FERMT1: variants seen among roughly 807,000 people sequenced by gnomAD.
FERMT1 encodes the protein fermitin family homolog 1.
FERMT1 carries 60 observed loss-of-function variants against 85.3 expected under a neutral mutation model. The observed-to-expected ratio is 0.70, with a 90% CI of 0.57 to 0.87. The LOEUF (loss-of-function observed/expected upper bound fraction) is 0.87. Among genes scored for constraint, FERMT1 ranks in the 40% least tolerant of loss-of-function variants. The pLI, the probability that FERMT1 is intolerant of heterozygous loss-of-function variation, is 0.00. For missense variants in FERMT1, 701 were observed against 818.9 expected (o/e 0.86, Z 1.76); for synonymous variants, 275 against 301.1 (o/e 0.91, Z 0.90).
chr20:6,091,739 A>G (rs1982374912), intron 9 of FERMT1, among the ~76,000 whole-genome samples: 1 of 152,148 alleles, frequency 6.6e-6, no homozygotes, highest in Non-Finnish European at 1.5e-5. Context: ...AGAGATCTCA[A>G]GTTCCTCCTC....
rs557734553 is a variant in FERMT1 at position 6,111,067 on chromosome 20, G to C, written c.533-556C>G. 5.9e-5 allele frequency among the ~76,000 whole-genome samples: 9 copies of C among 152,246 alleles called. No homozygotes were observed. The South Asian group carries it at 1.9e-3, about 32-fold the overall frequency. On this transcript the variant is annotated intron_variant, in intron 4 of 14. Transcript: ENST00000217289. ...CTCTCCTGTCTGAGCCTCCTGAATA[G>C]CTGGAATTACAGGCATGAGCCACCA...
intron 2 of FERMT1, among the ~76,000 whole-genome samples, chr20:6,118,133 C>T (rs1983159798): frequency 6.6e-6 from 1 of 152,116 alleles, no homozygotes; most frequent in African/African-American, 2.4e-5. Flanking sequence ...ATGTAAACAA[C>T]CCAAATGTCC....
chr20:6,092,023 C>T (rs1982385165), intron 9 of FERMT1, among the ~76,000 whole-genome samples: 1 of 151,606 alleles, frequency 6.6e-6, no homozygotes, highest in South Asian at 2.1e-4. Flanking sequence ...TCATTGCAAC[C>T]TCTGCTTCCC....
intron 8 of FERMT1, 100 bp from the exon 9 acceptor site, chr20:6,095,088 C>A: frequency 1.4e-6 from 1 of 724,728 alleles, no homozygotes; most frequent in South Asian, 1.5e-5. Flanking sequence ...CTATATGTGC[C>A]TATTTAAATT....
intron 6 of FERMT1, among the ~76,000 whole-genome samples, chr20:6,103,231 C>T (rs1256773400): frequency 6.6e-6 from 1 of 152,096 alleles, no homozygotes; most frequent in African/African-American, 2.4e-5. Context: ...TAATAATGCA[C>T]CTGGAGTCTG....
chr20:6,118,124 T>C (rs543909498), intron 2 of FERMT1, among the ~76,000 whole-genome samples: 12 of 152,292 alleles, frequency 7.9e-5, no homozygotes, highest in Non-Finnish European at 1.6e-4. Context: ...TGCATGAAAA[T>C]GTAAACAACC....
chr20:6,097,588 CA>C lies in FERMT1; in HGVS notation c.892del (p.Trp298GlyfsTer5). On this transcript the variant is annotated frameshift_variant, in exon 7 of 15. Coordinates refer to ENST00000217289, the MANE Select transcript of FERMT1 (RefSeq NM_017671.5). LOFTEE classifies it high-confidence loss of function. ...RINQLYEQAR[W>X]AILLEEIDCT... is the part of the protein sequence containing the mutation. ...ATCAATTTCTTCTAAGAGAATGGCC[CA>C]CCTGGCTTGCTCATAGAGTTGGTTT... 1.2e-6 allele frequency: 2 copies of C among 1,614,028 alleles called. No homozygotes were observed. Among genetic ancestry groups the C allele is most frequent in the Non-Finnish European group, 1.7e-6 (2 of 1,179,994 alleles).
intron 9 of FERMT1, chr20:6,094,195 T>G (rs1982440820): frequency 6.6e-6 from 1 of 152,208 alleles, no homozygotes; most frequent in South Asian, 2.1e-4. Flanking sequence ...CCCAGTGAAG[T>G]GCCCGTTGGT....
chr20:6,095,998 G>C (rs903018212), intron 8 of FERMT1, among the ~76,000 whole-genome samples: 3 of 152,194 alleles, frequency 2.0e-5, no homozygotes, highest in African/African-American at 4.8e-5. Flanking sequence ...CCTCATGAGT[G>C]AATTAAACAG....
At chr20:6,077,773 C>T (rs1981871634) in intron 14 of FERMT1, among the ~76,000 whole-genome samples, 1 of 152,012 alleles carries the variant, frequency 6.6e-6, no homozygotes, top group Non-Finnish European at 1.5e-5. Flanking sequence ...CTCTGCCTCC[C>T]AGGTTCAAGC....
chr20:6,085,033 T>G lies in FERMT1; in HGVS notation c.1593+33A>C, dbSNP rs373812052. The G allele has an allele frequency of 3.2e-6, 5 of 1,570,486 alleles. No homozygotes were observed. In the African/African-American group the frequency reaches 6.8e-5, roughly 21 times the overall value. On this transcript the variant is annotated intron_variant, in intron 12 of 14. Coordinates refer to ENST00000217289, the MANE Select transcript of FERMT1 (RefSeq NM_017671.5). ...ATTTCTGTTTGCATAAAGAATTTAC[T>G]GCAAACAATTGCCCTAACAAGATTA...
At chr20:6,101,480 T>C (rs1982656382) in intron 6 of FERMT1, among the ~76,000 whole-genome samples, 1 of 152,192 alleles carries the variant, frequency 6.6e-6, no homozygotes, top group Non-Finnish European at 1.5e-5. Context: ...CCTACTTATC[T>C]AGGGAACACA....
intron 14 of FERMT1, among the ~76,000 whole-genome samples, chr20:6,077,848 T>C (rs1981874101): frequency 6.6e-6 from 1 of 152,040 alleles, no homozygotes; most frequent in South Asian, 2.1e-4. Flanking sequence ...ACCTGGCTAA[T>C]TTTTGTATTT....
rs772710726 is a variant in FERMT1, at chr20:6,104,703, C to T, written c.849+2829G>A. 6.6e-6 allele frequency among the ~76,000 whole-genome samples: 1 copy of T among 152,198 alleles called. No homozygotes were observed. Among genetic ancestry groups the T allele is most frequent in the Non-Finnish European group, 1.5e-5 (1 of 68,038 alleles). ...CGGGCAGAGGCTGGAGGCCAAAGAG[C>T]CAGAGACAACAGCCCTTGTGACCCT... On this transcript the variant is annotated intron_variant, in intron 6 of 14. Coordinates refer to ENST00000217289, the MANE Select transcript of FERMT1 (RefSeq NM_017671.5). The surrounding 1 kb of genome is among the most constrained non-coding windows in gnomAD (Gnocchi z 4.2).
chr20:6,107,199 CAAAAAAA>C (rs59180891), intron 6 of FERMT1, among the ~76,000 whole-genome samples: 1 of 92,658 alleles, frequency 1.1e-5, no homozygotes. Flanking sequence ...CTGTCTCAAC[CAAAAAAA>C]AAAAAAAAAA....
chr20:6,094,733 T>C (rs1982456067), intron 9 of FERMT1, among the ~76,000 whole-genome samples: 1 of 152,182 alleles, frequency 6.6e-6, no homozygotes, highest in South Asian at 2.1e-4. Context: ...AAATGGAGGC[T>C]CAGAGACATA....
intron 3 of FERMT1, among the ~76,000 whole-genome samples, chr20:6,115,571 A>G (rs1983072825): frequency 6.6e-6 from 1 of 152,226 alleles, no homozygotes; most frequent in Admixed American, 6.5e-5. Flanking sequence ...CTTGTCTATT[A>G]ACAAATCTCT....
chr20:6,087,883 C>A lies in FERMT1; in HGVS notation c.1265G>T (p.Gly422Val). ...ATTTACATCGGGCACAACTTCGCAG[C>A]CTGAAGGACAAAGATCAGAGACAAA... ...GEPLEKLNLR[G>V]CEVVPDVNVA... Residue 422 changes from glycine (G) to valine (V), a missense_variant and splice_region_variant, in exon 11 of 15, where the codon GGC becomes GTC. Physicochemically the swap from Gly to Val is moderately radical, Grantham distance 109. Coordinates refer to ENST00000217289, the MANE Select transcript of FERMT1 (RefSeq NM_017671.5). The A allele has an allele frequency of 6.3e-7, 1 of 1,578,164 alleles. No individual in the cohort carries two copies. Among genetic ancestry groups the A allele is most frequent in the Non-Finnish European group, 8.7e-7 (1 of 1,147,892 alleles).
intron 4 of FERMT1, among the ~76,000 whole-genome samples, chr20:6,111,393 T>A (rs1035067393): frequency 6.6e-5 from 10 of 151,896 alleles, no homozygotes; most frequent in Non-Finnish European, 1.5e-4. Context: ...GCATTTTGGG[T>A]GGCTGAGGCA....
Sources: allele counts gnomAD v4.1 joint callset (sites outside exome capture counted in the v4.1 genomes callset), GRCh38; gene constraint gnomAD v4.1.1; non-coding constraint Gnocchi (gnomAD v3.1); transcripts MANE v1.5; gene names NCBI Gene and HGNC (gene_info 2026-07-23, HGNC 2026-07-21).